The following NMNAT3 variants were observed in gnomAD, a reference collection of about 807,000 sequenced individuals.
The protein encoded by NMNAT3 is nicotinamide/nicotinic acid mononucleotide adenylyltransferase 3.
Under a neutral mutation model 24.8 loss-of-function variants are expected in NMNAT3, and 21 were observed. That is an observed-to-expected ratio of 0.85 (90% CI 0.60 to 1.22). NMNAT3 has a LOEUF of 1.22. Ranked by LOEUF, NMNAT3 falls within the 50% of genes most tolerant of loss-of-function variation. The probability of loss-of-function intolerance (pLI) is 0.00; values close to 1 mark genes in which losing one functional copy is unlikely to be tolerated. For synonymous variants in NMNAT3, 136 were observed against 155.2 expected (o/e 0.88, Z 0.92); for missense variants, 387 against 436.6 (o/e 0.89, Z 1.01).
chr3:139,653,478 C>T (rs1443420546), intron 1 of NMNAT3, among the ~76,000 whole-genome samples: 1 of 152,140 alleles, frequency 6.6e-6, no homozygotes, highest in East Asian at 1.9e-4. Flanking sequence ...ACTCATAGCT[C>T]ATTAGTTTAT....
At chr3:139,578,778 C>T in intron 5 of NMNAT3, 94 bp downstream of exon 5, 1 of 1,156,292 alleles carries the variant, frequency 8.6e-7, no homozygotes, top group Non-Finnish European at 1.2e-6. Context: ...TGGCAGAAAC[C>T]CAGCCCCACA....
chr3:139,653,065 C>T (rs1050450019), intron 1 of NMNAT3, among the ~76,000 whole-genome samples: 13 of 152,004 alleles, frequency 8.6e-5, no homozygotes, highest in African/African-American at 1.9e-4. Flanking sequence ...AGATTGGCAG[C>T]GGGGGCAGGG....
At chr3:139,649,077 T>C (rs1276216732) in intron 1 of NMNAT3, among the ~76,000 whole-genome samples, 1 of 152,210 alleles carries the variant, frequency 6.6e-6, no homozygotes, top group Non-Finnish European at 1.5e-5. Context: ...TTAGTATTAC[T>C]TTATACTAAT....
chr3:139,594,529 G>A (rs367558419), intron 3 of NMNAT3, among the ~76,000 whole-genome samples: 2 of 152,092 alleles, frequency 1.3e-5, no homozygotes, highest in East Asian at 3.9e-4. Context: ...TTTTAGACCA[G>A]TATCCTTGAT....
At chr3:139,654,376 C>T (rs1423652763) in intron 1 of NMNAT3, among the ~76,000 whole-genome samples, 1 of 152,164 alleles carries the variant, frequency 6.6e-6, no homozygotes, top group East Asian at 1.9e-4. Flanking sequence ...GAGAGAGAGC[C>T]AGACGCTGGG....
At chr3:139,677,329 C>T (rs2057963956) in intron 1 of NMNAT3, among the ~76,000 whole-genome samples, 1 of 152,200 alleles carries the variant, frequency 6.6e-6, no homozygotes, top group Non-Finnish European at 1.5e-5. Context: ...CTACTGTAAC[C>T]CCAGCACTTA....
intron 6 of NMNAT3, among the ~76,000 whole-genome samples, chr3:139,562,463 G>T (rs1023665010): frequency 2.0e-5 from 3 of 152,242 alleles, no homozygotes; most frequent in Non-Finnish European, 4.4e-5. Flanking sequence ...GCTGATCCCA[G>T]CTTCAGTAAA....
At chr3:139,675,565 C>T (rs930866305) in intron 1 of NMNAT3, among the ~76,000 whole-genome samples, 1 of 152,156 alleles carries the variant, frequency 6.6e-6, no homozygotes, top group African/African-American at 2.4e-5. Context: ...GCAGAACACC[C>T]CTCTCTGCTG....
intron 6 of NMNAT3, 31 bp downstream of exon 6, chr3:139,573,567 T>C: frequency 7.3e-7 from 1 of 1,377,378 alleles, no homozygotes; most frequent in South Asian, 1.4e-5. Context: ...TGACATCTCA[T>C]TCTCCTACAG....
chr3:139,631,543 A>G (rs1477633575), intron 2 of NMNAT3, among the ~76,000 whole-genome samples: 1 of 152,160 alleles, frequency 6.6e-6, no homozygotes, highest in Non-Finnish European at 1.5e-5. Context: ...GAGAGTGATA[A>G]TTGCAGCTGA....
chr3:139,624,174 T>C (rs190803671), intron 3 of NMNAT3, among the ~76,000 whole-genome samples: 1 of 152,316 alleles, frequency 6.6e-6, no homozygotes, highest in African/African-American at 2.4e-5. Flanking sequence ...GACCTTTTTT[T>C]CCTAATATAA....
chr3:139,594,492 T>C (rs7613441), intron 3 of NMNAT3, among the ~76,000 whole-genome samples: 3,973 of 152,256 alleles, frequency 0.026, 188 homozygotes, highest in African/African-American at 0.088. Context: ...TACCAAAGCC[T>C]GACAGAGACA....
At chr3:139,662,856 A>G (rs2057460922) in intron 1 of NMNAT3, among the ~76,000 whole-genome samples, 1 of 152,014 alleles carries the variant, frequency 6.6e-6, no homozygotes, top group Admixed American at 6.6e-5. Flanking sequence ...CCCAATCAAT[A>G]TTACTCTTTA....
intron 3 of NMNAT3, among the ~76,000 whole-genome samples, chr3:139,583,784 C>T (rs1014200473): frequency 2.0e-5 from 3 of 152,274 alleles, no homozygotes; most frequent in African/African-American, 4.8e-5. Flanking sequence ...AAACACATAT[C>T]ATATGTGCAC....
chr3:139,640,628 C>T (rs989819098), intron 1 of NMNAT3, among the ~76,000 whole-genome samples: 1 of 152,138 alleles, frequency 6.6e-6, no homozygotes. Flanking sequence ...GAAGGCTGAA[C>T]AGGCCAGTGG....
At chr3:139,623,623 G>A (rs748492509) in intron 3 of NMNAT3, among the ~76,000 whole-genome samples, 4 of 151,668 alleles carry the variant, frequency 2.6e-5, no homozygotes, top group South Asian at 2.1e-4. Flanking sequence ...TCACTCTGTC[G>A]CCCAGGCTGG....
chr3:139,624,166 CCTTT>C (rs2055936769), intron 3 of NMNAT3, among the ~76,000 whole-genome samples: 1 of 152,240 alleles, frequency 6.6e-6, no homozygotes, highest in South Asian at 2.1e-4. Context: ...TGATTTGAGA[CCTTT>C]TTTTCCTAAT....
intron 3 of NMNAT3, among the ~76,000 whole-genome samples, chr3:139,600,774 C>A (rs1376636859): frequency 1.3e-5 from 2 of 152,184 alleles, no homozygotes; most frequent in Admixed American, 1.3e-4. Flanking sequence ...GCTGGCAGCA[C>A]CTTCTGTGTG....
At chr3:139,579,421 C>G (rs1394812946) in intron 4 of NMNAT3, among the ~76,000 whole-genome samples, 2 of 152,164 alleles carry the variant, frequency 1.3e-5, no homozygotes, top group East Asian at 3.9e-4. Context: ...TTAACAGGGG[C>G]ACTATTTTTG....
Sources: gnomAD v4.1 joint callset for allele counts (sites outside exome capture counted in the v4.1 genomes callset) on GRCh38, gnomAD v4.1.1 for gene constraint, MANE v1.5 for transcripts, NCBI Gene and HGNC (gene_info 2026-07-23, HGNC 2026-07-21) for gene names.